LPP: variants seen among roughly 807,000 people sequenced by gnomAD.
LPP encodes lipoma-preferred partner.
Under a neutral mutation model 60.4 loss-of-function variants are expected in LPP, and 38 were observed. That is an observed-to-expected ratio of 0.63 (90% CI 0.49 to 0.83). The LOEUF (loss-of-function observed/expected upper bound fraction) is 0.83, where lower values mean the gene tolerates loss of function less well. LPP is among the 40% of genes least tolerant of loss of function. LPP has a pLI of 0.00. For synonymous variants in LPP, 328 were observed against 290.8 expected, an observed-to-expected ratio of 1.13 and a Z score of -1.30; for missense variants, 902 against 783.6, an observed-to-expected ratio of 1.15 and a Z score of -1.80.
At chr3:188,854,564 AGAAGCCAAAT>A (rs764008406) in intron 9 of LPP, among the ~76,000 whole-genome samples, 1 of 152,244 alleles carries the variant, frequency 6.6e-6, no homozygotes, top group Non-Finnish European at 1.5e-5. Context: ...TGTTCTCAAC[AGAAGCCAAAT>A]GATTGCCAAA....
At chr3:188,821,049 G>C (rs1753822623) in intron 9 of LPP, among the ~76,000 whole-genome samples, 1 of 151,318 alleles carries the variant, frequency 6.6e-6, no homozygotes, top group Non-Finnish European at 1.5e-5. Context: ...CTGGTTACCA[G>C]ACAGCACAAG....
At chr3:188,274,690 A>G (rs1248690029) in intron 2 of LPP, among the ~76,000 whole-genome samples, 1 of 152,220 alleles carries the variant, frequency 6.6e-6, no homozygotes. Flanking sequence ...GCAGATAGAA[A>G]GTGCTTCATG....
intron 4 of LPP, among the ~76,000 whole-genome samples, chr3:188,419,866 A>G (rs1787316883): frequency 6.6e-6 from 1 of 152,218 alleles, no homozygotes; most frequent in Non-Finnish European, 1.5e-5. Context: ...CCTAGGCGTC[A>G]GAGTAAGACT....
intron 7 of LPP, among the ~76,000 whole-genome samples, chr3:188,669,528 A>G (rs1856526679): frequency 6.6e-6 from 1 of 152,160 alleles, no homozygotes; most frequent in Non-Finnish European, 1.5e-5. Flanking sequence ...GTGAGCCGAG[A>G]TCGCACCACT....
At chr3:188,174,884 G>T (rs1026635480) in intron 1 of LPP, among the ~76,000 whole-genome samples, 12 of 152,148 alleles carry the variant, frequency 7.9e-5, no homozygotes, top group African/African-American at 2.4e-4. Flanking sequence ...ATGGCCCTTT[G>T]TCTGTACTGC....
chr3:188,469,069 A>C (rs888680361), intron 4 of LPP, among the ~76,000 whole-genome samples: 3 of 152,152 alleles, frequency 2.0e-5, no homozygotes, highest in African/African-American at 7.2e-5. Flanking sequence ...CCAAGGATTG[A>C]CTTTTTTATG....
At chr3:188,252,031 G>GATATATATATAT (rs10579787) in intron 2 of LPP, among the ~76,000 whole-genome samples, 1 of 41,406 alleles carries the variant, frequency 2.4e-5, no homozygotes, top group Non-Finnish European at 4.4e-5. Flanking sequence ...TTTTAATCCT[G>GATATATATATAT]ATATATATAT....
At chr3:188,613,270 A>ATATCTG (rs1844119694) in intron 7 of LPP, among the ~76,000 whole-genome samples, 1 of 136,136 alleles carries the variant, frequency 7.3e-6, no homozygotes, top group Admixed American at 7.3e-5. Context: ...ACCTATATCT[A>ATATCTG]TATCTATATC....
At chr3:188,576,319 A>G (rs1365866993) in intron 6 of LPP, among the ~76,000 whole-genome samples, 1 of 152,142 alleles carries the variant, frequency 6.6e-6, no homozygotes, top group Non-Finnish European at 1.5e-5. Flanking sequence ...AAGGACATTC[A>G]TTATATGTTA....
intron 3 of LPP, among the ~76,000 whole-genome samples, chr3:188,347,351 T>C (rs16863190): frequency 0.059 from 9,019 of 152,278 alleles, 705 homozygotes; most frequent in African/African-American, 0.18. Context: ...AACTACGTGT[T>C]TATCTGGCTC....
chr3:188,623,027 TAAA>T (rs747020083), intron 7 of LPP, among the ~76,000 whole-genome samples: 3 of 79,468 alleles, frequency 3.8e-5, no homozygotes, highest in African/African-American at 9.8e-5. Flanking sequence ...GACTCCATCT[TAAA>T]AAAAAAAAAA....
intron 6 of LPP, chr3:188,553,666 A>G (rs1192784240): frequency 6.6e-6 from 1 of 152,240 alleles, no homozygotes; most frequent in Non-Finnish European, 1.5e-5. Context: ...GAACTGGTGA[A>G]TAGAAGAAGC....
chr3:188,203,513 TTAAATATATATAAATATATA>T (rs1220213613), intron 1 of LPP, among the ~76,000 whole-genome samples: 69 of 68,714 alleles, frequency 1.0e-3, no homozygotes, highest in African/African-American at 3.7e-3. Context: ...ATATATATAT[TTAAATATATATAAATATATA>T]TTTAAATATA....
At chr3:188,362,367 T>C (rs1301189093) in intron 3 of LPP, among the ~76,000 whole-genome samples, 3 of 152,186 alleles carry the variant, frequency 2.0e-5, no homozygotes, top group Non-Finnish European at 4.4e-5. Flanking sequence ...GCTTTTTGTG[T>C]TTGTCTTCTT....
chr3:188,628,616 C>A (rs1473824056), intron 7 of LPP, among the ~76,000 whole-genome samples: 1 of 151,974 alleles, frequency 6.6e-6, no homozygotes, highest in Non-Finnish European at 1.5e-5. Context: ...AAAAACCTAC[C>A]AACCAGTAAA....
At chr3:188,635,401 G>A (rs1478114521) in intron 7 of LPP, among the ~76,000 whole-genome samples, 3 of 152,174 alleles carry the variant, frequency 2.0e-5, no homozygotes, top group Non-Finnish European at 4.4e-5. Flanking sequence ...GAGACAGCTT[G>A]TTCTCAAGAG....
chr3:188,791,220 A>C (rs1455879614), intron 9 of LPP, among the ~76,000 whole-genome samples: 1 of 151,960 alleles, frequency 6.6e-6, no homozygotes, highest in Non-Finnish European at 1.5e-5. Context: ...ATGGGTGCAC[A>C]CTCACTCTGC....
intron 9 of LPP, among the ~76,000 whole-genome samples, chr3:188,826,802 CTA>C (rs1052235818): frequency 6.6e-6 from 1 of 152,042 alleles, no homozygotes. Context: ...CTGCACCTCT[CTA>C]TGTCATCCTT....
chr3:188,161,715 C>T (rs1718337837), intron 1 of LPP, among the ~76,000 whole-genome samples: 1 of 152,176 alleles, frequency 6.6e-6, no homozygotes, highest in African/African-American at 2.4e-5. Context: ...TACCTCACAC[C>T]TTCCTTCCCC....
Sources: allele counts gnomAD v4.1 joint callset (sites outside exome capture counted in the v4.1 genomes callset), GRCh38; gene constraint gnomAD v4.1.1; transcripts MANE v1.5; gene names NCBI Gene and HGNC (gene_info 2026-07-23, HGNC 2026-07-21).